Variants in ALX3 observed in about 807,000 individuals in gnomAD.
The protein encoded by ALX3 is ALX homeobox 3.
A neutral mutation model predicts 26.3 loss-of-function variants in ALX3; 17 were observed. The observed-to-expected ratio is 0.65, with a 90% CI of 0.44 to 0.97. The LOEUF is 0.97. Ranked by LOEUF, ALX3 falls within the 50% of genes least tolerant of loss-of-function variation. The pLI, the probability that ALX3 is intolerant of heterozygous loss-of-function variation, is 0.00. For synonymous variants in ALX3, 208 were observed against 201.4 expected (o/e 1.03, Z -0.28); for missense variants, 461 against 466.5 (o/e 0.99, Z 0.11).
Position 110,070,606 on chromosome 1 carries a change from G to T in ALX3, c.7C>A (p.Pro3Thr). Residue 3 changes from proline to threonine, a missense_variant, in exon 1 of 4, where the codon CCC becomes ACC. Physicochemically the swap from Pro to Thr is conservative, Grantham distance 38. This residue lies in a region of ALX3 where 241 missense variants were observed against 206.1 expected (regional missense o/e 1.17). Coordinates refer to ENST00000647563, the MANE Select transcript of ALX3 (RefSeq NM_006492.3). The part of the protein sequence containing the change: MD[P>T]EHCAPFRVGP... ...ACGCGGAAAGGCGCGCAGTGCTCGG[G>T]GTCCATGCCGGCTCAGGGCGCACAG... is the stretch of plus-strand genomic sequence containing the variant. 1.6e-6 allele frequency: 2 copies of T among 1,244,970 alleles called. No individual in the cohort carries two copies. The highest frequency in any genetic ancestry group is 2.0e-6 in the Non-Finnish European group (2 of 993,974). The allele number at this position is 1,244,970 out of a possible 1,614,324, so 77.1% of individuals were successfully genotyped here.
chr1:110,065,282 G>A (rs1653755761), intron 1 of ALX3, among the ~76,000 whole-genome samples: 1 of 152,190 alleles, frequency 6.6e-6, no homozygotes, highest in South Asian at 2.1e-4. Context: ...AGGATGGGGT[G>A]GTTGACATCT....
In ALX3 at chr1:110,060,385, C is replaced by G. The variant is rs1653601449; in HGVS notation, c.*348G>C. ...GTTCTCCTCCCATTTTCCTGGGTTC[C>G]CTGAACGATGAGCCAAGTAAGCTGT... On this transcript the variant is annotated 3_prime_UTR_variant, in exon 4 of 4. Coordinates refer to ENST00000647563, the MANE Select transcript of ALX3 (RefSeq NM_006492.3). The G allele has an allele frequency of 5.8e-6, 1 of 171,644 alleles. No homozygotes were observed. The highest frequency in any genetic ancestry group is 2.4e-5 in the African/African-American group (1 of 42,206). The allele number at this position is 171,644 out of a possible 1,614,324, so 10.6% of individuals were successfully genotyped here. A position where few individuals can be genotyped will look rare whatever the true frequency, so the allele number is the denominator to read the frequency against.
rs947801069 is a variant in ALX3 at position 110,060,714 on chromosome 1, T to C, written c.*19A>G. 2 of 1,328,654 alleles carry C rather than the reference T, an allele frequency of 1.5e-6. No individual in the cohort carries two copies. Among genetic ancestry groups the C allele is most frequent in the Non-Finnish European group, 1.9e-6 (2 of 1,035,688 alleles). The allele number at this position is 1,328,654 out of a possible 1,614,324, so 82.3% of individuals were successfully genotyped here. On this transcript the variant is annotated 3_prime_UTR_variant, in exon 4 of 4. Transcript: ENST00000647563. ...GGAAAAAGAGGTGGGCAGCTCATTC[T>C]GCAGGTCCATGCAACCGATCACGTG...
At chr1:110,067,384 C>G (rs923264942) in intron 1 of ALX3, among the ~76,000 whole-genome samples, 3 of 152,194 alleles carry the variant, frequency 2.0e-5, no homozygotes, top group African/African-American at 7.2e-5. Flanking sequence ...CCTGAGACAA[C>G]GCTGGGGTGT....
chr1:110,066,597 C>T (rs1653794204), intron 1 of ALX3, among the ~76,000 whole-genome samples: 1 of 150,118 alleles, frequency 6.7e-6, no homozygotes, highest in Non-Finnish European at 1.5e-5. Flanking sequence ...CCCGCCACCC[C>T]CACCACATGC....
intron 2 of ALX3, chr1:110,062,410 T>C (rs1384112769): frequency 6.6e-6 from 1 of 152,256 alleles, no homozygotes; most frequent in Non-Finnish European, 1.5e-5. Flanking sequence ...CTGTGATGAA[T>C]TCGTTGTTTG....
chr1:110,069,584 C>G (rs1054368306), intron 1 of ALX3, among the ~76,000 whole-genome samples: 4 of 152,244 alleles, frequency 2.6e-5, no homozygotes, highest in African/African-American at 9.6e-5. Context: ...GGTTAGGCTG[C>G]CCAGGGCTGC....
In ALX3 at chr1:110,061,513, C is replaced by T. The variant is rs1416606613; in HGVS notation, c.645G>A (p.Gly215=). 6.2e-7 allele frequency: 1 copy of T among 1,614,108 alleles called. No homozygotes were observed. Among genetic ancestry groups the T allele is most frequent in the Non-Finnish European group, 8.5e-7 (1 of 1,180,050 alleles). Residue 215 remains glycine (G), a synonymous_variant, in exon 3 of 4, where the codon GGG becomes GGA. Transcript: ENST00000647563. The stretch of plus-strand genomic sequence containing the variant: ...AGGGGTTCCGCCCCTCCTGGATCTT[C>T]CCATAACGCTCGCGCTTCCGCCACT... ...RAKWRKRERY[G]KIQEGRNPFT...
chr1:110,063,383 C>T (rs974667455), intron 2 of ALX3, among the ~76,000 whole-genome samples: 15 of 152,114 alleles, frequency 9.9e-5, no homozygotes, highest in Non-Finnish European at 1.0e-4. Context: ...TTTGGCTCCT[C>T]GGAGGAGCAG....
intron 2 of ALX3, chr1:110,061,822 C>CA: frequency 1.8e-6 from 1 of 548,242 alleles, no homozygotes; most frequent in East Asian, 3.2e-5. Flanking sequence ...TGTGGTCCTC[C>CA]AGCCTGGCTG....
intron 1 of ALX3, 33 bp from the exon 2 acceptor site, chr1:110,064,936 A>G (rs758631189): frequency 3.1e-5 from 49 of 1,570,266 alleles, no homozygotes; most frequent in Non-Finnish European, 4.1e-5. Context: ...GAGGATGGCA[A>G]CTGAACCAGG....
chr1:110,065,587 A>G (rs1264992003), intron 1 of ALX3, among the ~76,000 whole-genome samples: 1 of 152,194 alleles, frequency 6.6e-6, no homozygotes, highest in Non-Finnish European at 1.5e-5. Context: ...AGCTCCAGCA[A>G]TAGAGAAGCA....
intron 2 of ALX3, 131 bp from the exon 3 acceptor site, chr1:110,061,694 T>C: frequency 7.3e-7 from 1 of 1,377,790 alleles, no homozygotes; most frequent in Non-Finnish European, 9.9e-7. Context: ...ATCTCAACTG[T>C]TAATCCACAC....
Position 110,068,142 on chromosome 1 carries a change from G to A in ALX3, c.277+2194C>T, listed in dbSNP as rs1009259562. Reference sequence around the variant, plus strand: ...GCTGCGCGGGCGGCGGACTGCAGGCGGGAGAAGAGCGAGGTGCGCCAGGCT... The same window carrying A: ...GCTGCGCGGGCGGCGGACTGCAGGCAGGAGAAGAGCGAGGTGCGCCAGGCT... On this transcript the variant is annotated intron_variant, in intron 1 of 3. Transcript: ENST00000647563. 3.9e-5 allele frequency among the ~76,000 whole-genome samples: 6 copies of A among 152,226 alleles called. No homozygotes were observed. The South Asian group carries it at 1.2e-3, about 31-fold the overall frequency.
At position 110,060,723 on chromosome 1, in the gene ALX3, A is replaced by G; in HGVS notation, c.*10T>C. The G allele has an allele frequency of 1.3e-6, 2 of 1,586,348 alleles. No individual in the cohort carries two copies. Among genetic ancestry groups the G allele is most frequent in the Non-Finnish European group, 1.7e-6 (2 of 1,164,586 alleles). On this transcript the variant is annotated 3_prime_UTR_variant, in exon 4 of 4. Transcript: ENST00000647563. ...GGTGGGCAGCTCATTCTGCAGGTCC[A>G]TGCAACCGATCACGTGGTCCAGTTC...
chr1:110,063,092 C>A lies in ALX3; in HGVS notation c.594+1495G>T, dbSNP rs569279763. 2.0e-5 allele frequency among the ~76,000 whole-genome samples: 3 copies of A among 152,308 alleles called. No homozygotes were observed. In the South Asian group the frequency reaches 6.2e-4, roughly 32 times the overall value. Reference sequence around the variant, plus strand: ...AACATTCCTACTCCAGGGTCTCCATCCTTCAGGAAGCTTCTAGACTAGGGG... The same window carrying A: ...AACATTCCTACTCCAGGGTCTCCATACTTCAGGAAGCTTCTAGACTAGGGG... On this transcript the variant is annotated intron_variant, in intron 2 of 3. Transcript: ENST00000647563.
At position 110,061,434 on chromosome 1, in the gene ALX3, C is replaced by A; in HGVS notation, c.723+1G>T. On this transcript the variant is annotated splice_donor_variant, in intron 3 of 3. Coordinates refer to ENST00000647563, the MANE Select transcript of ALX3 (RefSeq NM_006492.3). LOFTEE classifies it high-confidence loss of function. ...TGGTTCAGGTAGGGCTGGGGTCTTA[C>A]CTGAGGGTGGCTGTCAGTACGGGGC... 1 of 1,614,200 alleles carries A rather than the reference C, an allele frequency of 6.2e-7. No individual in the cohort carries two copies. The highest frequency in any genetic ancestry group is 8.5e-7 in the Non-Finnish European group (1 of 1,180,040).
chr1:110,061,405 G>A, intron 3 of ALX3, 30 bp downstream of exon 3: 3 of 1,614,206 alleles, frequency 1.9e-6, no homozygotes, highest in Non-Finnish European at 2.5e-6. Flanking sequence ...ACCCTGCCAG[G>A]TCCTGGTTCA....
intron 1 of ALX3, among the ~76,000 whole-genome samples, chr1:110,066,322 G>A (rs1036792607): frequency 6.6e-6 from 1 of 152,180 alleles, no homozygotes; most frequent in Admixed American, 6.5e-5. Flanking sequence ...CCTAGCCTTG[G>A]ACCATGCCCA....
Sources: gnomAD v4.1 joint callset for allele counts (sites outside exome capture counted in the v4.1 genomes callset) on GRCh38, gnomAD v4.1.1 for gene constraint, gnomAD v4.1.1 regional missense constraint, MANE v1.5 for transcripts, NCBI Gene and HGNC (gene_info 2026-07-23, HGNC 2026-07-21) for gene names.